The following MPP2 variants were observed in gnomAD, a reference collection of about 807,000 sequenced individuals.
The protein encoded by MPP2 is MAGUK p55 subfamily member 2.
MPP2 carries 42 observed loss-of-function variants against 58.5 expected under a neutral mutation model. The ratio of observed to expected loss-of-function variants is 0.72; its 90% confidence interval spans 0.56 to 0.93. The LOEUF is 0.93. Ranked by LOEUF, MPP2 falls within the 40% of genes least tolerant of loss-of-function variation. The pLI is 0.00. For missense variants in MPP2, 632 were observed against 760.4 expected (o/e 0.83, Z 1.99); for synonymous variants, 300 against 307.8 (o/e 0.97, Z 0.26).
intron 12 of MPP2, among the ~76,000 whole-genome samples, chr17:43,878,836 GC>G (rs2046968300): frequency 6.6e-6 from 1 of 152,164 alleles, no homozygotes; most frequent in South Asian, 2.1e-4. Flanking sequence ...TCCTCCAGGC[GC>G]TGCCTGCTCC....
Position 43,879,943 on chromosome 17 carries a change from C to T in MPP2, c.1192G>A (p.Gly398Ser). Reference protein sequence around the residue: ...RPKDSEREGQGYSFVSRGEME... With the variant: ...RPKDSEREGQSYSFVSRGEME... ...TCCCCACGGGACACAAAGCTGTAAC[C>T]CTGACCTTCCCGCTCTGAGTCTTTC... The change falls in exon 11 of 13, where the codon GGT becomes AGT. Residue 398 changes from glycine (G) to serine (S), a missense_variant. Coordinates refer to ENST00000269095, the MANE Select transcript of MPP2 (RefSeq NM_005374.5). This position sits in a 1 kb window ranked among gnomAD's most constrained non-coding sequence, Gnocchi z 4.1. 6.2e-7 allele frequency: 1 copy of T among 1,614,100 alleles called. No homozygotes were observed. The highest frequency in any genetic ancestry group is 8.5e-7 in the Non-Finnish European group (1 of 1,180,016).
At chr17:43,886,347 C>T (rs982163732) in intron 3 of MPP2, among the ~76,000 whole-genome samples, 9 of 151,556 alleles carry the variant, frequency 5.9e-5, no homozygotes, top group Non-Finnish European at 1.0e-4. Flanking sequence ...TGCAGTGGCG[C>T]GATCTCAGCT....
At chr17:43,895,622 C>T (rs2047811578) in intron 3 of MPP2, among the ~76,000 whole-genome samples, 1 of 152,134 alleles carries the variant, frequency 6.6e-6, no homozygotes, top group Admixed American at 6.5e-5. Context: ...AACATTCCTG[C>T]CTTCATGGAA....
chr17:43,880,637 C>T lies in MPP2; in HGVS notation c.1150+54G>A. 5 of 1,542,408 alleles carry T rather than the reference C, an allele frequency of 3.2e-6. No homozygotes were observed. Among genetic ancestry groups the T allele is most frequent in the Admixed American group, 1.9e-5 (1 of 51,916 alleles). ...CCATTCGGTGGGCCCAGCCCTGGCC[C>T]CAGGGGAGCCCTGCTCCTTGTCCCC... On this transcript the variant is annotated intron_variant, in intron 10 of 12. Transcript: ENST00000269095. This position sits in a 1 kb window ranked among gnomAD's most constrained non-coding sequence, Gnocchi z 5.2.
At chr17:43,900,375 C>T (rs1048887500) in intron 2 of MPP2, 2 of 1,446,736 alleles carry the variant, frequency 1.4e-6, no homozygotes, top group African/African-American at 1.4e-5. Context: ...CAGATGACCT[C>T]TCCCAGGCCA....
chr17:43,897,452 G>C (rs551226343), intron 3 of MPP2, among the ~76,000 whole-genome samples: 3 of 152,130 alleles, frequency 2.0e-5, no homozygotes, highest in Non-Finnish European at 4.4e-5. Context: ...TTGCACTCCA[G>C]CCTGGGCAAC....
chr17:43,905,176 T>TA (rs11394569), intron 1 of MPP2, among the ~76,000 whole-genome samples: 56,033 of 147,912 alleles, frequency 0.38, 11,655 homozygotes, highest in Middle Eastern at 0.52. Flanking sequence ...GAACCTGTCT[T>TA]AAAAAAAAAA....
At chr17:43,903,334 C>CGA (rs1884212780) in intron 2 of MPP2, among the ~76,000 whole-genome samples, 1 of 151,688 alleles carries the variant, frequency 6.6e-6, no homozygotes, top group Non-Finnish European at 1.5e-5. Flanking sequence ...CCCATCATCT[C>CGA]ATCTTAGGGA....
intron 8 of MPP2, 32 bp downstream of exon 8, chr17:43,881,212 A>C: frequency 6.2e-7 from 1 of 1,613,404 alleles, no homozygotes; most frequent in Non-Finnish European, 8.5e-7. Flanking sequence ...TGGATCCCAG[A>C]TTGGAGGTGT....
chr17:43,881,068 G>A lies in MPP2; in HGVS notation c.988+22C>T, dbSNP rs1255455724. 3.7e-6 allele frequency: 6 copies of A among 1,613,234 alleles called. No homozygotes were observed. The South Asian group carries it at 5.5e-5, about 15-fold the overall frequency. On this transcript the variant is annotated intron_variant, in intron 9 of 12. Transcript: ENST00000269095. The stretch of plus-strand genomic sequence containing the variant: ...CATGCCATGTTAGAGGAGGGTAAGG[G>A]AGGGGGCGCTCTGATACCCACCTGC...
upstream of MPP2, chr17:43,907,607 A>AG (rs1445652156): frequency 1.0e-6 from 1 of 985,302 alleles, no homozygotes; most frequent in Non-Finnish European, 1.2e-6. Context: ...TCCGGAGGAG[A>AG]GGGGAGGTGA....
chr17:43,883,435 C>T, intron 3 of MPP2, 80 bp from the exon 4 acceptor site: 1 of 1,488,934 alleles, frequency 6.7e-7, no homozygotes, highest in East Asian at 2.4e-5. Flanking sequence ...TCCCTCAGCC[C>T]CCAGGCATTT....
Position 43,879,427 on chromosome 17 carries a change from G to A in MPP2, c.1354-24C>T. 1 of 1,613,474 alleles carries A rather than the reference G, an allele frequency of 6.2e-7. No homozygotes were observed. Among genetic ancestry groups the A allele is most frequent in the Non-Finnish European group, 8.5e-7 (1 of 1,179,572 alleles). On this transcript the variant is annotated intron_variant, in intron 11 of 12. Coordinates refer to ENST00000269095, the MANE Select transcript of MPP2 (RefSeq NM_005374.5). The surrounding 1 kb of genome is among the most constrained non-coding windows in gnomAD (Gnocchi z 4.1). ...GCCTGCAGAAGGAGAAGGCAAGGTA[G>A]GGAGTATATCCCCATGTCTGTCCTA...
At chr17:43,886,208 GT>G (rs2143614667) in intron 3 of MPP2, among the ~76,000 whole-genome samples, 1 of 152,136 alleles carries the variant, frequency 6.6e-6, no homozygotes, top group South Asian at 2.1e-4. Context: ...AACTGGTTTG[GT>G]TTTCTGGCTT....
At position 43,904,504 on chromosome 17, in the gene MPP2, G is replaced by T. The variant is rs1567907194; in HGVS notation, c.-33-11C>A. On this transcript the variant is annotated splice_polypyrimidine_tract_variant and intron_variant, in intron 1 of 12. Transcript: ENST00000269095. ...TCTGAAACGTCTCTCCTGGAGAGGG[G>T]AGAGAGGAGGATGAGCAGATACAAG... 2 of 1,613,154 alleles carry T rather than the reference G, an allele frequency of 1.2e-6. No homozygotes were observed. The highest frequency in any genetic ancestry group is 1.1e-5 in the South Asian group (1 of 91,022).
At chr17:43,907,238 C>G in intron 1 of MPP2, 1 of 985,538 alleles carries the variant, frequency 1.0e-6, no homozygotes, top group Non-Finnish European at 1.2e-6. Context: ...CACTTTGGAG[C>G]CCCTACCGCA....
intron 2 of MPP2, 27 bp from the exon 3 acceptor site, chr17:43,898,407 A>G: frequency 1.3e-6 from 2 of 1,541,118 alleles, no homozygotes; most frequent in Non-Finnish European, 1.8e-6. Context: ...GCAGTGAGAT[A>G]CACAGGTACC....
chr17:43,892,064 G>T (rs565660668), intron 3 of MPP2, among the ~76,000 whole-genome samples: 95 of 152,300 alleles, frequency 6.2e-4, no homozygotes, highest in African/African-American at 2.2e-3. Flanking sequence ...TGCCAGGGCC[G>T]CCACTTGCTG....
chr17:43,875,652 A>C lies in MPP2; in HGVS notation c.*2155T>G, dbSNP rs1680940335. The C allele has an allele frequency of 6.6e-6, 1 of 150,874 alleles. No individual in the cohort carries two copies. Among genetic ancestry groups the C allele is most frequent in the Non-Finnish European group, 1.5e-5 (1 of 68,018 alleles). 9.3% of individuals were successfully genotyped at this position (150,874 alleles called of 1,614,324 possible). ...TGACAGCCTCTGCTAGGTACCTGGG[A>C]GGGCTGTGGAGTGAGGGCTCAGGCA... On this transcript the variant is annotated 3_prime_UTR_variant, in exon 13 of 13. Transcript: ENST00000269095.
Sources: gnomAD v4.1 joint callset for allele counts (sites outside exome capture counted in the v4.1 genomes callset) on GRCh38, gnomAD v4.1.1 for gene constraint, Gnocchi (gnomAD v3.1) non-coding constraint, MANE v1.5 for transcripts, NCBI Gene and HGNC (gene_info 2026-07-23, HGNC 2026-07-21) for gene names.